Variants in ADCY1 observed in about 807,000 individuals in gnomAD.
ADCY1 encodes the protein adenylate cyclase type 1.
Under a neutral mutation model 105.4 loss-of-function variants are expected in ADCY1, and 28 were observed. The observed-to-expected ratio is 0.27, with a 90% CI of 0.20 to 0.36. The LOEUF (loss-of-function observed/expected upper bound fraction) is 0.36. Among genes scored for constraint, ADCY1 ranks in the 10% least tolerant of loss-of-function variants. The pLI is 1.00. For missense variants in ADCY1, 977 were observed against 1,434.2 expected, an observed-to-expected ratio of 0.68 and a Z score of 5.15; for synonymous variants, 655 against 623.8, an observed-to-expected ratio of 1.05 and a Z score of -0.75.
intron 8 of ADCY1, among the ~76,000 whole-genome samples, chr7:45,674,257 G>T (rs1187257211): frequency 6.6e-6 from 1 of 152,024 alleles, no homozygotes; most frequent in Non-Finnish European, 1.5e-5. Context: ...GTTGCATGGA[G>T]TATTTTATAA....
chr7:45,639,636 T>C (rs1386495148), intron 4 of ADCY1, among the ~76,000 whole-genome samples: 1 of 152,266 alleles, frequency 6.6e-6, no homozygotes, highest in African/African-American at 2.4e-5. Flanking sequence ...AAGACCCTTC[T>C]GGGAACATTT....
In ADCY1 at chr7:45,639,387, G is replaced by A. The variant is rs117549953; in HGVS notation, c.1021-9283G>A. The stretch of plus-strand genomic sequence containing the variant: ...TCCACCTTCACCTGTGGAGGGACAG[G>A]GCCCCTTCTCTGGATGTCAGTTTTC... On this transcript the variant is annotated intron_variant, in intron 4 of 19. Coordinates refer to ENST00000297323, the MANE Select transcript of ADCY1 (RefSeq NM_021116.4). Among the ~76,000 whole-genome samples, 1,153 of 152,262 alleles carry A rather than the reference G, an allele frequency of 7.6e-3. 4 individuals carry two copies. Among genetic ancestry groups the A allele is most frequent in the Non-Finnish European group, 0.012 (805 of 68,024 alleles).
chr7:45,664,359 G>A (rs1227162173), intron 8 of ADCY1: 2 of 1,536,114 alleles, frequency 1.3e-6, no homozygotes. Context: ...CTGCAACGGG[G>A]ACGACTGTGC....
At chr7:45,583,042 G>A (rs1177512105) in intron 1 of ADCY1, among the ~76,000 whole-genome samples, 1 of 152,232 alleles carries the variant, frequency 6.6e-6, no homozygotes, top group African/African-American at 2.4e-5. Flanking sequence ...GAGAAGAGCT[G>A]TCTGCTTCCC....
At chr7:45,582,382 G>C (rs1416852746) in intron 1 of ADCY1, among the ~76,000 whole-genome samples, 1 of 152,166 alleles carries the variant, frequency 6.6e-6, no homozygotes, top group Non-Finnish European at 1.5e-5. Context: ...AAGCCAGGCT[G>C]CCAGCCTTAC....
chr7:45,590,954 C>T (rs186629009), intron 1 of ADCY1, among the ~76,000 whole-genome samples: 6 of 152,074 alleles, frequency 3.9e-5, no homozygotes, highest in African/African-American at 4.8e-5. Context: ...CTGTGCTGGG[C>T]GAGGGTCAGG....
At position 45,721,882 on chromosome 7, in the gene ADCY1, G is replaced by T; in HGVS notation, c.*7887G>T. Reference sequence around the variant, plus strand: ...TCAAAAGAGCTTTCAGGCACTTATTGAGAATTAATGTTTAAACAGACATAA... The same window carrying T: ...TCAAAAGAGCTTTCAGGCACTTATTTAGAATTAATGTTTAAACAGACATAA... On this transcript the variant is annotated 3_prime_UTR_variant, in exon 20 of 20. Coordinates refer to ENST00000297323, the MANE Select transcript of ADCY1 (RefSeq NM_021116.4). 5.0e-6 allele frequency: 2 copies of T among 398,592 alleles called. No individual in the cohort carries two copies. Among genetic ancestry groups the T allele is most frequent in the South Asian group, 2.6e-4 (2 of 7,828 alleles). The allele number at this position is 398,592 out of a possible 1,614,324, so 24.7% of individuals were successfully genotyped here. A position where few individuals can be genotyped will look rare whatever the true frequency, so the allele number is the denominator to read the frequency against.
intron 4 of ADCY1, among the ~76,000 whole-genome samples, chr7:45,637,980 A>G (rs1238944850): frequency 6.6e-6 from 1 of 152,186 alleles, no homozygotes; most frequent in Non-Finnish European, 1.5e-5. Context: ...CTTTGTTTGA[A>G]ATAGGTCTTC....
chr7:45,682,463 C>T (rs1327713023), intron 11 of ADCY1, among the ~76,000 whole-genome samples: 1 of 152,016 alleles, frequency 6.6e-6, no homozygotes, highest in African/African-American at 2.4e-5. Context: ...CTGGCTGGAC[C>T]CCGGGGTGCT....
Position 45,716,112 on chromosome 7 carries a change from A to G in ADCY1, c.*2117A>G, listed in dbSNP as rs931192587. ...CCGCTCATGTTCCTGGTGTTCTGGC[A>G]TCACCTTGTGCCGGTGGGGGCTGGG... is the stretch of plus-strand genomic sequence containing the variant. On this transcript the variant is annotated 3_prime_UTR_variant, in exon 20 of 20. Transcript: ENST00000297323. 5.9e-5 allele frequency: 9 copies of G among 152,784 alleles called. No homozygotes were observed. The highest frequency in any genetic ancestry group is 1.9e-4 in the African/African-American group (8 of 41,552). The allele number at this position is 152,784 out of a possible 1,614,324, so 9.5% of individuals were successfully genotyped here.
intron 1 of ADCY1, among the ~76,000 whole-genome samples, chr7:45,585,500 A>G (rs1454969839): frequency 2.0e-5 from 3 of 148,078 alleles, no homozygotes; most frequent in African/African-American, 7.5e-5. Flanking sequence ...CTGCAGTGCA[A>G]TGGCGCGATC....
At chr7:45,607,769 C>A (rs1036655039) in intron 2 of ADCY1, among the ~76,000 whole-genome samples, 10 of 152,172 alleles carry the variant, frequency 6.6e-5, no homozygotes, top group Non-Finnish European at 1.5e-4. Context: ...TAAAGGACAT[C>A]ATTTCATTCT....
chr7:45,708,206 A>G lies in ADCY1; in HGVS notation c.2818-144A>G. On this transcript the variant is annotated intron_variant, in intron 17 of 19. Transcript: ENST00000297323. The surrounding 1 kb of genome is among the most constrained non-coding windows in gnomAD (Gnocchi z 4.7). ...GCCTCTCTCTTAGTCTCCTACCTGTAGAATGGAATGATAAATGTGCCTATA... is the reference window on the plus strand; with the variant it reads ...GCCTCTCTCTTAGTCTCCTACCTGTGGAATGGAATGATAAATGTGCCTATA... 1 of 612,910 alleles carries G rather than the reference A, an allele frequency of 1.6e-6. No homozygotes were observed. The highest frequency in any genetic ancestry group is 2.8e-5 in the East Asian group (1 of 35,112). The allele number at this position is 612,910 out of a possible 1,614,324, so 38.0% of individuals were successfully genotyped here. A position where few individuals can be genotyped will look rare whatever the true frequency, so the allele number is the denominator to read the frequency against.
chr7:45,636,233 C>T (rs1008422493), intron 4 of ADCY1, among the ~76,000 whole-genome samples: 4 of 152,196 alleles, frequency 2.6e-5, no homozygotes, highest in Non-Finnish European at 5.9e-5. Flanking sequence ...AATCTGGATA[C>T]TCAGGTCCCT....
chr7:45,688,106 C>T (rs1784721413), intron 14 of ADCY1, among the ~76,000 whole-genome samples: 1 of 152,182 alleles, frequency 6.6e-6, no homozygotes, highest in South Asian at 2.1e-4. Context: ...GTTAAGTGAC[C>T]GAAACCCTGG....
At chr7:45,665,786 G>T (rs897139892) in intron 8 of ADCY1, among the ~76,000 whole-genome samples, 9 of 152,184 alleles carry the variant, frequency 5.9e-5, no homozygotes, top group Non-Finnish European at 1.2e-4. Flanking sequence ...ACTGCAGGAG[G>T]GAGGGAGGGA....
At position 45,710,689 on chromosome 7, in the gene ADCY1, C is replaced by G; in HGVS notation, c.3057+37C>G. The G allele has an allele frequency of 6.3e-7, 1 of 1,587,892 alleles. No homozygotes were observed. Among genetic ancestry groups the G allele is most frequent in the Non-Finnish European group, 8.6e-7 (1 of 1,166,974 alleles). ...AAGAAACCCCTAAGGCATGGGTGCC[C>G]ATTCTTCAGGTGAGGAAACTGAGGC... On this transcript the variant is annotated intron_variant, in intron 19 of 19. Coordinates refer to ENST00000297323, the MANE Select transcript of ADCY1 (RefSeq NM_021116.4). This position sits in a 1 kb window ranked among gnomAD's most constrained non-coding sequence, Gnocchi z 4.7.
chr7:45,584,795 G>A (rs1405799114), intron 1 of ADCY1, among the ~76,000 whole-genome samples: 1 of 152,242 alleles, frequency 6.6e-6, no homozygotes, highest in Non-Finnish European at 1.5e-5. Context: ...GCCTGTGGGG[G>A]CACCTGTGGG....
chr7:45,586,215 A>G (rs1184458962), intron 1 of ADCY1, among the ~76,000 whole-genome samples: 2 of 152,042 alleles, frequency 1.3e-5, no homozygotes, highest in African/African-American at 4.8e-5. Context: ...GAGGGGCACC[A>G]TGGAGGAACA....
Sources: allele counts gnomAD v4.1 joint callset (sites outside exome capture counted in the v4.1 genomes callset), GRCh38; gene constraint gnomAD v4.1.1; non-coding constraint Gnocchi (gnomAD v3.1); transcripts MANE v1.5; gene names NCBI Gene and HGNC (gene_info 2026-07-23, HGNC 2026-07-21).